PRMT8: variants seen among roughly 807,000 people sequenced by gnomAD.
PRMT8 encodes the protein protein arginine methyltransferase 8, also known as protein arginine N-methyltransferase 8.
A neutral mutation model predicts 47.1 loss-of-function variants in PRMT8; 7 were observed. That is an observed-to-expected ratio of 0.15 (90% CI 0.08 to 0.28). The LOEUF is 0.28. PRMT8 is among the 10% of genes least tolerant of loss of function. The pLI is 1.00. For missense variants in PRMT8, 237 were observed against 505.4 expected (o/e 0.47, Z 5.09); for synonymous variants, 188 against 186.5 (o/e 1.01, Z -0.07).
chr12:3,522,895 G>C (rs1326330461), intron 1 of PRMT8, among the ~76,000 whole-genome samples: 1 of 152,038 alleles, frequency 6.6e-6, no homozygotes, highest in East Asian at 1.9e-4. Flanking sequence ...TAACTCTAAG[G>C]AAAACCTAAA....
Position 3,569,579 on chromosome 12 carries a change from G to A in PRMT8, c.712+15G>A, listed in dbSNP as rs3741936. The stretch of plus-strand genomic sequence containing the variant: ...CAAAATCCACTGTAAGTCCCCTCTT[G>A]CTTCTCCGGTGGACTTCCACTGCAC... On this transcript the variant is annotated intron_variant, in intron 6 of 9. Transcript: ENST00000382622. This position sits in a 1 kb window ranked among gnomAD's most constrained non-coding sequence, Gnocchi z 8.2. 0.16 allele frequency: 252,873 copies of A among 1,609,386 alleles called. 21,452 individuals carry two copies. The highest frequency in any genetic ancestry group is 0.29 in the East Asian group (12,803 of 44,838).
In PRMT8 at chr12:3,576,828, G is replaced by A. The variant is rs746433639; in HGVS notation, c.713-43G>A. On this transcript the variant is annotated intron_variant, in intron 6 of 9. Coordinates refer to ENST00000382622, the MANE Select transcript of PRMT8 (RefSeq NM_019854.5). The surrounding 1 kb of genome is among the most constrained non-coding windows in gnomAD (Gnocchi z 4.0). Reference sequence around the variant, plus strand: ...ACTCAGGAGGGTTGGGTGAGCTTCTGGGGGTCCTGCGCCTGCCTTCACGTC... The same window carrying A: ...ACTCAGGAGGGTTGGGTGAGCTTCTAGGGGTCCTGCGCCTGCCTTCACGTC... 5 of 1,530,716 alleles carry A rather than the reference G, an allele frequency of 3.3e-6. No individual in the cohort carries two copies. Among genetic ancestry groups the A allele is most frequent in the Non-Finnish European group, 4.5e-6 (5 of 1,106,460 alleles). 94.8% of individuals were successfully genotyped at this position (1,530,716 alleles called of 1,614,324 possible).
Position 3,570,668 on chromosome 12 carries a change from A to T in PRMT8, c.712+1104A>T, listed in dbSNP as rs1866829429. ...AATCGTCGTTAGTGGCACTGATGAA[A>T]ACTCGGCTGGACTCTGCTATGGATG... On this transcript the variant is annotated intron_variant, in intron 6 of 9. Transcript: ENST00000382622. This position sits in a 1 kb window ranked among gnomAD's most constrained non-coding sequence, Gnocchi z 5.5. Among the ~76,000 whole-genome samples, 1 of 152,196 alleles carries T rather than the reference A, an allele frequency of 6.6e-6. No homozygotes were observed.
intron 4 of PRMT8, among the ~76,000 whole-genome samples, chr12:3,565,058 T>A (rs139920889): frequency 1.6e-4 from 24 of 152,280 alleles, no homozygotes; most frequent in African/African-American, 5.3e-4. Flanking sequence ...ATGTGACCTC[T>A]TAAAAATAAA....
At position 3,492,953 on chromosome 12, in the gene PRMT8, G is replaced by C. The variant is rs1213292293; in HGVS notation, c.75+1253G>C. On this transcript the variant is annotated intron_variant, in intron 1 of 9. Transcript: ENST00000382622. The surrounding 1 kb of genome is among the most constrained non-coding windows in gnomAD (Gnocchi z 7.5). ...GCGGGGATTGTCCCTCTGTCTTGCCGGAATGCAAAAAGGTAGAGAGACCCT... is the reference window on the plus strand; with the variant it reads ...GCGGGGATTGTCCCTCTGTCTTGCCCGAATGCAAAAAGGTAGAGAGACCCT... Among the ~76,000 whole-genome samples the C allele has an allele frequency of 6.6e-6, 1 of 152,052 alleles. No individual in the cohort carries two copies. The highest frequency in any genetic ancestry group is 1.9e-4 in the East Asian group (1 of 5,184).
chr12:3,443,677 A>G (rs1284149283), intron 1 of PRMT8, among the ~76,000 whole-genome samples: 2 of 152,124 alleles, frequency 1.3e-5, no homozygotes, highest in South Asian at 2.1e-4. Flanking sequence ...TATGAAGTAA[A>G]TCGATCACAT....
chr12:3,505,076 CA>C (rs1454178669), intron 1 of PRMT8, among the ~76,000 whole-genome samples: 1 of 142,142 alleles, frequency 7.0e-6, no homozygotes, highest in Non-Finnish European at 1.5e-5. Flanking sequence ...ACGGTGCGCA[CA>C]CACACTGGCC....
chr12:3,491,279 G>T lies in PRMT8; in HGVS notation c.-347G>T. ...GCCGGCCGGACTTTGCGAGCAGCCT[G>T]GAGAGGATCCGCGACCGCCGCCGCC... On this transcript the variant is annotated 5_prime_UTR_variant, in exon 1 of 10. Coordinates refer to ENST00000382622, the MANE Select transcript of PRMT8 (RefSeq NM_019854.5). 8.9e-7 allele frequency: 1 copy of T among 1,122,792 alleles called. No homozygotes were observed. The highest frequency in any genetic ancestry group is 2.9e-5 in the South Asian group (1 of 34,700). 69.6% of individuals were successfully genotyped at this position (1,122,792 alleles called of 1,614,324 possible). A position where few individuals can be genotyped will look rare whatever the true frequency, so the allele number is the denominator to read the frequency against.
chr12:3,478,183 G>A (rs1408407792), intron 1 of PRMT8, among the ~76,000 whole-genome samples: 1 of 152,152 alleles, frequency 6.6e-6, no homozygotes, highest in Non-Finnish European at 1.5e-5. Flanking sequence ...ATGAAAAGGA[G>A]TAGACTGAAC....
intron 1 of PRMT8, among the ~76,000 whole-genome samples, chr12:3,519,703 G>A (rs1052156084): frequency 4.6e-5 from 7 of 152,278 alleles, no homozygotes; most frequent in Non-Finnish European, 7.4e-5. Context: ...AAAGGCTGGG[G>A]GGCTACATAA....
At position 3,552,526 on chromosome 12, in the gene PRMT8, A is replaced by G. The variant is rs549921015; in HGVS notation, c.418-1125A>G. 5 of 321,234 alleles carry G rather than the reference A, an allele frequency of 1.6e-5. No homozygotes were observed. Among genetic ancestry groups the G allele is most frequent in the South Asian group, 7.3e-5 (3 of 41,342 alleles). 19.9% of individuals were successfully genotyped at this position (321,234 alleles called of 1,614,324 possible). On this transcript the variant is annotated intron_variant, in intron 3 of 9. Coordinates refer to ENST00000382622, the MANE Select transcript of PRMT8 (RefSeq NM_019854.5). The surrounding 1 kb of genome is among the most constrained non-coding windows in gnomAD (Gnocchi z 4.5). ...ATGGTCGCCTCTTGCAGATCAGATG[A>G]TGACATGGCCAGAGGGGGAGAAGAA...
intron 1 of PRMT8, among the ~76,000 whole-genome samples, chr12:3,445,323 G>C (rs1279854687): frequency 6.6e-6 from 1 of 152,238 alleles, no homozygotes; most frequent in Non-Finnish European, 1.5e-5. Context: ...GGAGGGCTGG[G>C]CCTGCCCAGA....
chr12:3,418,345 T>C (rs1864503974), intron 1 of PRMT8, among the ~76,000 whole-genome samples: 1 of 152,162 alleles, frequency 6.6e-6, no homozygotes, highest in Non-Finnish European at 1.5e-5. Flanking sequence ...TTAGAGGCGG[T>C]TTTTTTGCTG....
intron 1 of PRMT8, among the ~76,000 whole-genome samples, chr12:3,446,194 C>A (rs1306147412): frequency 6.6e-6 from 1 of 152,192 alleles, no homozygotes; most frequent in African/African-American, 2.4e-5. Context: ...GGCCAGGTCC[C>A]TAAGAATGAA....
chr12:3,490,834 C>G (rs960425871), upstream of PRMT8, among the ~76,000 whole-genome samples: 1 of 151,974 alleles, frequency 6.6e-6, no homozygotes, highest in Non-Finnish European at 1.5e-5. Context: ...GAGGAAGGAT[C>G]CAGGAACTGG....
chr12:3,575,295 G>A (rs1480780232), intron 6 of PRMT8, among the ~76,000 whole-genome samples: 4 of 152,286 alleles, frequency 2.6e-5, no homozygotes, highest in East Asian at 3.9e-4. Context: ...AGGAACATAC[G>A]TTCCCTAAGG....
At position 3,491,288 on chromosome 12, in the gene PRMT8, C is replaced by T; in HGVS notation, c.-338C>T. The T allele has an allele frequency of 8.9e-7, 1 of 1,128,878 alleles. No individual in the cohort carries two copies. The highest frequency in any genetic ancestry group is 2.9e-5 in the South Asian group (1 of 34,454). 69.9% of individuals were successfully genotyped at this position (1,128,878 alleles called of 1,614,324 possible). A position where few individuals can be genotyped will look rare whatever the true frequency, so the allele number is the denominator to read the frequency against. On this transcript the variant is annotated 5_prime_UTR_variant, in exon 1 of 10. Coordinates refer to ENST00000382622, the MANE Select transcript of PRMT8 (RefSeq NM_019854.5). ...ACTTTGCGAGCAGCCTGGAGAGGAT[C>T]CGCGACCGCCGCCGCCGCCGCCGCG...
At chr12:3,496,214 A>ATATATATATATATATTT in intron 1 of PRMT8, among the ~76,000 whole-genome samples, 1 of 27,774 alleles carries the variant, frequency 3.6e-5, no homozygotes. Context: ...ATATATATAT[A>ATATATATATATATATTT]TTTTTTTTTT....
intron 8 of PRMT8, among the ~76,000 whole-genome samples, chr12:3,588,442 C>T (rs891124516): frequency 6.6e-6 from 1 of 152,226 alleles, no homozygotes; most frequent in Non-Finnish European, 1.5e-5. Flanking sequence ...CCAGTCCCTG[C>T]CATTTGTACC....
Sources: gnomAD v4.1 joint callset for allele counts (sites outside exome capture counted in the v4.1 genomes callset) on GRCh38, gnomAD v4.1.1 for gene constraint, Gnocchi (gnomAD v3.1) non-coding constraint, MANE v1.5 for transcripts, NCBI Gene and HGNC (gene_info 2026-07-23, HGNC 2026-07-21) for gene names.